FHIT: variants seen among roughly 807,000 people sequenced by gnomAD.
The protein encoded by FHIT is fragile histidine triad diadenosine triphosphatase.
A neutral mutation model predicts 17.9 loss-of-function variants in FHIT; 19 were observed. That is an observed-to-expected ratio of 1.06 (90% CI 0.74 to 1.56). FHIT has a LOEUF of 1.56. Ranked by LOEUF, FHIT falls within the 40% of genes most tolerant of loss-of-function variation. The pLI, the probability that FHIT is intolerant of heterozygous loss-of-function variation, is 0.00. For missense variants in FHIT, 248 were observed against 189.2 expected (o/e 1.31, Z -1.82); for synonymous variants, 81 against 69.7 (o/e 1.16, Z -0.81).
intron 5 of FHIT, among the ~76,000 whole-genome samples, chr3:60,111,952 T>G (rs1194590555): frequency 1.3e-5 from 2 of 152,156 alleles, no homozygotes; most frequent in Non-Finnish European, 2.9e-5. Flanking sequence ...CCTCTATTAT[T>G]TGTATCTCTT....
intron 4 of FHIT, among the ~76,000 whole-genome samples, chr3:60,613,930 G>C (rs1040907202): frequency 6.6e-6 from 1 of 152,088 alleles, no homozygotes; most frequent in African/African-American, 2.4e-5. Context: ...GGTGAAAAGA[G>C]TATATCAGCT....
intron 1 of FHIT, among the ~76,000 whole-genome samples, chr3:61,203,331 AAG>A (rs1389796124): frequency 6.6e-6 from 1 of 151,876 alleles, no homozygotes; most frequent in Non-Finnish European, 1.5e-5. Context: ...CCTGGGCAAC[AAG>A]AGAGAAACTT....
intron 5 of FHIT, among the ~76,000 whole-genome samples, chr3:60,534,202 T>C (rs1426412062): frequency 7.1e-6 from 1 of 140,096 alleles, no homozygotes. Context: ...CCGAGGCGGG[T>C]GGATCATGAG....
intron 5 of FHIT, among the ~76,000 whole-genome samples, chr3:60,116,709 C>G (rs372269790): frequency 6.6e-5 from 10 of 152,192 alleles, no homozygotes; most frequent in South Asian, 2.1e-4. Context: ...TTCCAAGGAT[C>G]AAGCAAGCAG....
intron 4 of FHIT, among the ~76,000 whole-genome samples, chr3:60,577,238 A>G (rs1420101880): frequency 1.3e-5 from 2 of 152,120 alleles, no homozygotes; most frequent in Non-Finnish European, 2.9e-5. Context: ...AAGCTCTCAC[A>G]TACCAAATTC....
At chr3:60,197,891 T>G (rs1343901747) in intron 5 of FHIT, among the ~76,000 whole-genome samples, 1 of 152,142 alleles carries the variant, frequency 6.6e-6, no homozygotes, top group African/African-American at 2.4e-5. Flanking sequence ...GCTTTGTAAC[T>G]TCACAAACTT....
At chr3:60,929,003 A>G (rs1341257554) in intron 3 of FHIT, among the ~76,000 whole-genome samples, 1 of 152,202 alleles carries the variant, frequency 6.6e-6, no homozygotes, top group Non-Finnish European at 1.5e-5. Flanking sequence ...AGCACATCAA[A>G]AAGCTTATCC....
chr3:60,058,623 GC>G (rs1171134921), intron 5 of FHIT, among the ~76,000 whole-genome samples: 2 of 152,130 alleles, frequency 1.3e-5, no homozygotes, highest in Non-Finnish European at 2.9e-5. Flanking sequence ...TGCCACATCT[GC>G]CCTGATTCCA....
chr3:61,102,384 C>G (rs1177693873), intron 2 of FHIT, among the ~76,000 whole-genome samples: 1 of 152,148 alleles, frequency 6.6e-6, no homozygotes, highest in Non-Finnish European at 1.5e-5. Flanking sequence ...TTGAACCAGC[C>G]TTACATCCTA....
At chr3:60,174,862 G>A (rs1701596567) in intron 5 of FHIT, among the ~76,000 whole-genome samples, 1 of 152,094 alleles carries the variant, frequency 6.6e-6, no homozygotes, top group Non-Finnish European at 1.5e-5. Context: ...CGTGCTTTCT[G>A]TCTCTATGGA....
intron 3 of FHIT, among the ~76,000 whole-genome samples, chr3:60,886,677 T>C (rs1369303613): frequency 2.0e-4 from 31 of 152,184 alleles, no homozygotes; most frequent in African/African-American, 7.2e-4. Context: ...CAAGTACTCA[T>C]TGTCATGAAA....
intron 4 of FHIT, among the ~76,000 whole-genome samples, chr3:60,548,990 G>A (rs1406635888): frequency 6.6e-6 from 1 of 152,102 alleles, no homozygotes; most frequent in Non-Finnish European, 1.5e-5. Context: ...CTTTAAATTT[G>A]AGAAATGAGT....
At chr3:60,433,294 A>G (rs1427076979) in intron 5 of FHIT, among the ~76,000 whole-genome samples, 1 of 152,090 alleles carries the variant, frequency 6.6e-6, no homozygotes, top group Non-Finnish European at 1.5e-5. Flanking sequence ...ATACATGTAT[A>G]TCACATTTTC....
chr3:60,979,555 G>A (rs904701516), intron 3 of FHIT, among the ~76,000 whole-genome samples: 1 of 152,168 alleles, frequency 6.6e-6, no homozygotes, highest in Non-Finnish European at 1.5e-5. Context: ...GTTCTCCAGG[G>A]CAGACAGGGC....
chr3:60,046,693 A>T (rs1227959387), intron 5 of FHIT, among the ~76,000 whole-genome samples: 1 of 152,232 alleles, frequency 6.6e-6, no homozygotes, highest in Admixed American at 6.5e-5. Flanking sequence ...TCACTCAAGA[A>T]AGCCAGTAAT....
chr3:59,983,359 T>C (rs557496207), intron 7 of FHIT, among the ~76,000 whole-genome samples: 15 of 152,286 alleles, frequency 9.8e-5, no homozygotes, highest in African/African-American at 3.6e-4. Flanking sequence ...TTTTACTTTC[T>C]ATGGTTTCAA....
At chr3:60,810,636 T>C (rs1336661950) in intron 4 of FHIT, among the ~76,000 whole-genome samples, 1 of 152,202 alleles carries the variant, frequency 6.6e-6, no homozygotes, top group Non-Finnish European at 1.5e-5. Flanking sequence ...CTGTCACTAA[T>C]GGTCCCCAGG....
At chr3:60,150,160 G>A (rs1050056795) in intron 5 of FHIT, among the ~76,000 whole-genome samples, 2 of 151,498 alleles carry the variant, frequency 1.3e-5, no homozygotes, top group African/African-American at 2.4e-5. Context: ...CCCACGCCCG[G>A]CTCATTTTGT....
At chr3:60,814,575 C>G (rs184573058) in intron 4 of FHIT, among the ~76,000 whole-genome samples, 1 of 152,200 alleles carries the variant, frequency 6.6e-6, no homozygotes, top group Non-Finnish European at 1.5e-5. Flanking sequence ...CCATGATATA[C>G]ATGTACCAAA....
Sources: allele counts gnomAD v4.1 joint callset (sites outside exome capture counted in the v4.1 genomes callset), GRCh38; gene constraint gnomAD v4.1.1; transcripts MANE v1.5; gene names NCBI Gene and HGNC (gene_info 2026-07-23, HGNC 2026-07-21).